Variants in SLC7A8 observed in about 807,000 individuals in gnomAD.
The protein encoded by SLC7A8 is solute carrier family 7 member 8, also known as large neutral amino acids transporter small subunit 2.
In SLC7A8, 30 loss-of-function variants were observed where a neutral mutation model predicts 51.2. The ratio of observed to expected loss-of-function variants is 0.59; its 90% confidence interval spans 0.44 to 0.80. The LOEUF (loss-of-function observed/expected upper bound fraction) is 0.80. Ranked by LOEUF, SLC7A8 falls within the 30% of genes least tolerant of loss-of-function variation. SLC7A8 has a pLI of 0.00. For missense variants in SLC7A8, 612 were observed against 674.4 expected (o/e 0.91, Z 1.03); for synonymous variants, 257 against 275.8 (o/e 0.93, Z 0.67).
At chr14:23,131,683 A>G in intron 7 of SLC7A8, 126 bp from the exon 8 acceptor site, 1 of 619,622 alleles carries the variant, frequency 1.6e-6, no homozygotes. Context: ...CCGCCTTCAC[A>G]TGCATACTTT....
Position 23,182,789 on chromosome 14 carries a change from C to T in SLC7A8, c.126G>A (p.Leu42=), listed in dbSNP as rs1198639489. The change falls in exon 1 of 11, where the codon TTG becomes TTA. Residue 42 remains leucine (L), a synonymous_variant. Coordinates refer to ENST00000316902, the MANE Select transcript of SLC7A8 (RefSeq NM_012244.4). ...GGVALKKEIG[L]VSACGIIVGN... is the part of the protein sequence containing the mutation. ...CTACGATGATACCACAGGCACTGAC[C>T]AATCCGATCTCTTTCTTCAGGGCTA... The T allele has an allele frequency of 6.2e-7, 1 of 1,605,654 alleles. No homozygotes were observed. The highest frequency in any genetic ancestry group is 8.5e-7 in the Non-Finnish European group (1 of 1,176,682).
chr14:23,166,476 C>T lies in SLC7A8; in HGVS notation c.216G>A (p.Val72=), dbSNP rs1716236159. The change falls in exon 2 of 11, where the codon GTG becomes GTA. Residue 72 remains valine (V), a synonymous_variant. Transcript: ENST00000316902. ...PKGVLENAGS[V]GLALIVWIVT... The stretch of plus-strand genomic sequence containing the variant: ...CAATCCAGACGATGAGAGCAAGGCC[C>T]ACAGAACCAGCATTCTCCAGCACTC... 1 of 1,614,164 alleles carries T rather than the reference C, an allele frequency of 6.2e-7. No homozygotes were observed. The highest frequency in any genetic ancestry group is 8.5e-7 in the Non-Finnish European group (1 of 1,180,038).
rs57162273 is a variant in SLC7A8 at position 23,134,437 on chromosome 14, CAAAAAAAAAAAAA to C, written c.1017-2893_1017-2881del. Among the ~76,000 whole-genome samples the C allele has an allele frequency of 1.7e-4, 11 of 64,192 alleles. 1 individual carries two copies. Among genetic ancestry groups the C allele is most frequent in the Admixed American group, 2.6e-4 (1 of 3,912 alleles). The allele number at this position is 64,192 out of a possible 152,430, so 42.1% of individuals were successfully genotyped here. A position where few individuals can be genotyped will look rare whatever the true frequency, so the allele number is the denominator to read the frequency against. ...GGGTGACAAAGTGAGACCCTGTCTC[CAAAAAAAAAAAAA>C]AAAAAAAAAAGAAAAGATAAGGAAA... On this transcript the variant is annotated intron_variant, in intron 7 of 10. Coordinates refer to ENST00000316902, the MANE Select transcript of SLC7A8 (RefSeq NM_012244.4).
intron 3 of SLC7A8, among the ~76,000 whole-genome samples, chr14:23,163,558 C>A (rs2048934741): frequency 6.6e-6 from 1 of 152,216 alleles, no homozygotes; most frequent in African/African-American, 2.4e-5. Context: ...TGGGTCCCAG[C>A]TGCCTGCCCT....
chr14:23,132,949 T>TA (rs1555302949), intron 7 of SLC7A8, among the ~76,000 whole-genome samples: 5 of 140,510 alleles, frequency 3.6e-5, no homozygotes, highest in Admixed American at 2.9e-4. Flanking sequence ...GATCTGCTTT[T>TA]TAAAAAAAAA....
rs532980156 is a variant in SLC7A8 at position 23,132,310 on chromosome 14, C to T, written c.1017-753G>A. ...AGCCACCGCGCCTGGCCTAAAAACACTCTTGTCCTAGTCAGAGAGTAGTTA... is the reference window on the plus strand; with the variant it reads ...AGCCACCGCGCCTGGCCTAAAAACATTCTTGTCCTAGTCAGAGAGTAGTTA... On this transcript the variant is annotated intron_variant, in intron 7 of 10. Transcript: ENST00000316902. 1.4e-3 allele frequency among the ~76,000 whole-genome samples: 209 copies of T among 152,108 alleles called. 1 individual carries two copies. The highest frequency in any genetic ancestry group is 4.8e-3 in the African/African-American group (200 of 41,488).
intron 1 of SLC7A8, among the ~76,000 whole-genome samples, chr14:23,168,678 C>T (rs2048961940): frequency 6.6e-6 from 1 of 152,120 alleles, no homozygotes; most frequent in South Asian, 2.1e-4. Context: ...ATGGCTGTTG[C>T]AAGAGGGAAA....
In SLC7A8 at chr14:23,165,390, G is replaced by C. The variant is rs768116536; in HGVS notation, c.403C>G (p.Gln135Glu). ...IAVLVIYPTN[Q>E]AVIALTFSNY... Reference sequence around the variant, plus strand: ...GAGAAGGTGAGGGCGATGACAGCCTGGTTGGTGGGGTAGATCACCAGCACA... The same window carrying C: ...GAGAAGGTGAGGGCGATGACAGCCTCGTTGGTGGGGTAGATCACCAGCACA... Residue 135 changes from glutamine (Q) to glutamate (E), a missense_variant, in exon 3 of 11, where the codon CAG (glutamine) becomes GAG (glutamate). By Grantham distance (29) the Gln-to-Glu change is conservative. Transcript: ENST00000316902. This position sits in a 1 kb window ranked among gnomAD's most constrained non-coding sequence, Gnocchi z 4.2. 4 of 1,599,520 alleles carry C rather than the reference G, an allele frequency of 2.5e-6. No individual in the cohort carries two copies. In the South Asian group the frequency reaches 4.5e-5, roughly 18 times the overall value.
At chr14:23,144,423 A>T (rs894008272) in intron 3 of SLC7A8, among the ~76,000 whole-genome samples, 2 of 144,264 alleles carry the variant, frequency 1.4e-5, no homozygotes, top group African/African-American at 2.6e-5. Flanking sequence ...CCTAATGGCT[A>T]ATGATGTTGA....
chr14:23,127,447 C>T (rs2048588794), intron 10 of SLC7A8, 104 bp from the exon 11 acceptor site: 14 of 1,358,934 alleles, frequency 1.0e-5, no homozygotes, highest in Non-Finnish European at 1.3e-5. Context: ...GGTTCTGCCT[C>T]TTCAGAGCAG....
chr14:23,132,165 A>G (rs887471555), intron 7 of SLC7A8, among the ~76,000 whole-genome samples: 20 of 151,458 alleles, frequency 1.3e-4, no homozygotes, highest in African/African-American at 4.1e-4. Context: ...CACCATGCCC[A>G]GCTAATTTTT....
chr14:23,127,169 G>A lies in SLC7A8; in HGVS notation c.*8C>T, dbSNP rs2048585103. The A allele has an allele frequency of 1.2e-6, 2 of 1,613,798 alleles. No homozygotes were observed. The highest frequency in any genetic ancestry group is 1.6e-4 in the Middle Eastern group (1 of 6,074). ...AGGAAGGAGAGAGTAGCCAGGGAAT[G>A]GTGGTCCTCAGGGCTGGGGCTGCCC... On this transcript the variant is annotated 3_prime_UTR_variant, in exon 11 of 11. Transcript: ENST00000316902.
rs1021077770 is a variant in SLC7A8, at chr14:23,127,110, C to T, written c.*67G>A. 15 of 1,586,156 alleles carry T rather than the reference C, an allele frequency of 9.5e-6. No homozygotes were observed. The highest frequency in any genetic ancestry group is 4.0e-5 in the African/African-American group (3 of 74,470). ...GTGTGTGTGTACTCGCATGTGTTGG[C>T]AGGACCAAGGCAGGGAGGTAGGATA... On this transcript the variant is annotated 3_prime_UTR_variant, in exon 11 of 11. Coordinates refer to ENST00000316902, the MANE Select transcript of SLC7A8 (RefSeq NM_012244.4).
chr14:23,147,733 G>C (rs2048810820), intron 3 of SLC7A8, among the ~76,000 whole-genome samples: 1 of 152,186 alleles, frequency 6.6e-6, no homozygotes, highest in Non-Finnish European at 1.5e-5. Flanking sequence ...AGTTCAAGAA[G>C]ATGCTGAAGT....
At chr14:23,133,584 T>C (rs1342756180) in intron 7 of SLC7A8, among the ~76,000 whole-genome samples, 1 of 152,172 alleles carries the variant, frequency 6.6e-6, no homozygotes, top group African/African-American at 2.4e-5. Context: ...CCCAGCTCTT[T>C]GGGAGGCTGA....
intron 3 of SLC7A8, among the ~76,000 whole-genome samples, chr14:23,151,438 GCTGT>G (rs2048846237): frequency 6.6e-6 from 1 of 152,110 alleles, no homozygotes; most frequent in Non-Finnish European, 1.5e-5. Context: ...ACATATTGTG[GCTGT>G]CTCTCCTTCC....
intron 4 of SLC7A8, 106 bp from the exon 5 acceptor site, chr14:23,140,730 C>A: frequency 8.8e-7 from 1 of 1,131,028 alleles, no homozygotes; most frequent in Non-Finnish European, 1.3e-6. Flanking sequence ...GCAATGACAC[C>A]AACTCTGTCT....
At chr14:23,131,401 C>A (rs1457296764) in intron 8 of SLC7A8, 60 bp downstream of exon 8, 13 of 1,403,416 alleles carry the variant, frequency 9.3e-6, no homozygotes, top group Non-Finnish European at 1.1e-5. Flanking sequence ...GAACTCCCAG[C>A]TTAGACTAGG....
intron 3 of SLC7A8, among the ~76,000 whole-genome samples, chr14:23,153,626 T>G (rs932810994): frequency 1.3e-5 from 2 of 152,160 alleles, no homozygotes; most frequent in Non-Finnish European, 2.9e-5. Context: ...GAAAGGTGCA[T>G]CCATTGCTCC....
Sources: gnomAD v4.1 joint callset for allele counts (sites outside exome capture counted in the v4.1 genomes callset) on GRCh38, gnomAD v4.1.1 for gene constraint, Gnocchi (gnomAD v3.1) non-coding constraint, MANE v1.5 for transcripts, NCBI Gene and HGNC (gene_info 2026-07-23, HGNC 2026-07-21) for gene names.